Variants in PTK2 observed in about 807,000 individuals in gnomAD.
PTK2 encodes focal adhesion kinase 1.
Under a neutral mutation model 150.1 loss-of-function variants are expected in PTK2, and 45 were observed. The observed-to-expected ratio is 0.30, with a 90% CI of 0.24 to 0.38. PTK2 has a LOEUF of 0.38. PTK2 is among the 10% of genes least tolerant of loss of function. PTK2 has a pLI of 1.00. For missense variants in PTK2, 919 were observed against 1,307.3 expected (o/e 0.70, Z 4.58); for synonymous variants, 432 against 449.2 (o/e 0.96, Z 0.48).
At chr8:140,870,233 A>C (rs1303087015) in intron 4 of PTK2, among the ~76,000 whole-genome samples, 3 of 152,222 alleles carry the variant, frequency 2.0e-5, no homozygotes, top group Non-Finnish European at 4.4e-5. Context: ...CTTTTCTTTT[A>C]TAAGCACATA....
intron 4 of PTK2, among the ~76,000 whole-genome samples, chr8:140,866,203 A>C (rs760094231): frequency 1.3e-5 from 2 of 152,226 alleles, no homozygotes; most frequent in Admixed American, 6.5e-5. Context: ...CCAGTCAACG[A>C]TTCAAACAGG....
chr8:140,983,509 C>A (rs1226349617), intron 1 of PTK2, among the ~76,000 whole-genome samples: 1 of 152,028 alleles, frequency 6.6e-6, no homozygotes, highest in East Asian at 1.9e-4. Context: ...CTTGTTGAAG[C>A]CCCAATACAA....
At chr8:140,855,473 T>C (rs1205117439) in intron 5 of PTK2, among the ~76,000 whole-genome samples, 3 of 152,040 alleles carry the variant, frequency 2.0e-5, no homozygotes, top group Non-Finnish European at 4.4e-5. Context: ...CGGGCGACTG[T>C]AGTCCCAGCT....
At chr8:140,997,041 T>C (rs1263525939) in intron 1 of PTK2, among the ~76,000 whole-genome samples, 1 of 152,078 alleles carries the variant, frequency 6.6e-6, no homozygotes, top group Non-Finnish European at 1.5e-5. Context: ...GAGGTGAAAA[T>C]AGCATTATGA....
chr8:140,789,621 G>T, intron 13 of PTK2, 95 bp from the exon 14 acceptor site: 2 of 1,182,628 alleles, frequency 1.7e-6, no homozygotes, highest in Non-Finnish European at 2.4e-6. Context: ...GGATGAGGAA[G>T]ACAAAATTTT....
intron 27 of PTK2, among the ~76,000 whole-genome samples, chr8:140,680,104 C>T (rs1038905825): frequency 6.6e-6 from 1 of 152,194 alleles, no homozygotes; most frequent in Non-Finnish European, 1.5e-5. Flanking sequence ...AGTGATGCGA[C>T]ACAGTACCTT....
At chr8:140,899,535 A>G (rs1200057392) in intron 2 of PTK2, among the ~76,000 whole-genome samples, 1 of 152,214 alleles carries the variant, frequency 6.6e-6, no homozygotes, top group Non-Finnish European at 1.5e-5. Context: ...AGTAATACCA[A>G]TTCTACTGCA....
At chr8:140,961,599 T>C (rs554909456) in intron 1 of PTK2, among the ~76,000 whole-genome samples, 38 of 151,618 alleles carry the variant, frequency 2.5e-4, no homozygotes, top group Non-Finnish European at 4.7e-4. Context: ...GAGGTGGAGG[T>C]TGCAGTGAGC....
At chr8:140,693,273 G>A (rs1451233645) in intron 26 of PTK2, among the ~76,000 whole-genome samples, 1 of 152,092 alleles carries the variant, frequency 6.6e-6, no homozygotes, top group East Asian at 1.9e-4. Flanking sequence ...GGAGTGTGGG[G>A]CCAGGCGTGG....
At chr8:140,730,963 C>CT (rs993913615) in intron 22 of PTK2, among the ~76,000 whole-genome samples, 3 of 142,324 alleles carry the variant, frequency 2.1e-5, no homozygotes, top group South Asian at 2.5e-4. Context: ...ACCCCCCCCC[C>CT]CCTTTTTTTT....
Position 140,949,484 on chromosome 8 carries a change from C to A in PTK2, c.-121-23735G>T, listed in dbSNP as rs530213306. On this transcript the variant is annotated intron_variant, in intron 1 of 31. Transcript: ENST00000522684. ...CTGCGTTCTTAGGGGTCCGGGAAGC[C>A]CCCCCGCCCTCACAGGCTCCTGGCC... 2.5e-3 allele frequency among the ~76,000 whole-genome samples: 383 copies of A among 152,338 alleles called. 1 individual carries two copies. The highest frequency in any genetic ancestry group is 4.1e-3 in the Non-Finnish European group (279 of 68,028).
intron 5 of PTK2, among the ~76,000 whole-genome samples, chr8:140,855,458 GGT>G (rs1336405395): frequency 6.6e-6 from 1 of 152,122 alleles, no homozygotes; most frequent in Non-Finnish European, 1.5e-5. Context: ...AGCCAGGTAT[GGT>G]GGCGGGCGAC....
chr8:140,659,191 A>AAAT (rs2076029144), exon 32 of PTK2: 1 of 469,852 alleles, frequency 2.1e-6, no homozygotes, highest in South Asian at 2.7e-5. Context: ...ATGATGCTTA[A>AAAT]AAGCTTACAT....
chr8:140,697,454 G>GTGTGTGTGTGTGTGT, intron 26 of PTK2, among the ~76,000 whole-genome samples: 1 of 134,372 alleles, frequency 7.4e-6, no homozygotes, highest in East Asian at 2.3e-4. Context: ...GTGTGTGTGT[G>GTGTGTGTGTGTGTGT]TTTTTAAACG....
At chr8:140,932,469 G>A (rs2154608584) in intron 1 of PTK2, among the ~76,000 whole-genome samples, 1 of 152,258 alleles carries the variant, frequency 6.6e-6, no homozygotes, top group Non-Finnish European at 1.5e-5. Context: ...ACCCGCATCA[G>A]CCTCCCAAAG....
chr8:140,859,615 G>A (rs1390550328), intron 5 of PTK2, among the ~76,000 whole-genome samples: 1 of 152,154 alleles, frequency 6.6e-6, no homozygotes, highest in Non-Finnish European at 1.5e-5. Flanking sequence ...CCATTATAAA[G>A]TGACTAATTT....
At chr8:140,933,473 C>A (rs187862288) in intron 1 of PTK2, among the ~76,000 whole-genome samples, 13 of 152,260 alleles carry the variant, frequency 8.5e-5, no homozygotes, top group African/African-American at 2.6e-4. Context: ...TGCCAGAAGA[C>A]AGAAAAATCA....
intron 26 of PTK2, among the ~76,000 whole-genome samples, chr8:140,687,950 G>A (rs1410390749): frequency 6.6e-6 from 1 of 152,134 alleles, no homozygotes; most frequent in East Asian, 1.9e-4. Flanking sequence ...TGAGGTCTGA[G>A]AACAGCTCCT....
At chr8:140,938,745 C>T (rs2100174602) in intron 1 of PTK2, among the ~76,000 whole-genome samples, 1 of 152,210 alleles carries the variant, frequency 6.6e-6, no homozygotes, top group Non-Finnish European at 1.5e-5. Flanking sequence ...AAAATAAAAA[C>T]AGCCATCATG....
Sources: gnomAD v4.1 joint callset for allele counts (sites outside exome capture counted in the v4.1 genomes callset) on GRCh38, gnomAD v4.1.1 for gene constraint, MANE v1.5 for transcripts, NCBI Gene and HGNC (gene_info 2026-07-23, HGNC 2026-07-21) for gene names.